SGK1: variants seen among roughly 807,000 people sequenced by gnomAD.
SGK1 encodes serum/glucocorticoid regulated kinase 1, also known as serine/threonine-protein kinase Sgk1.
In SGK1, 26 loss-of-function variants were observed where a neutral mutation model predicts 64.2. That is an observed-to-expected ratio of 0.40 (90% CI 0.30 to 0.56). The LOEUF is 0.56. Ranked by LOEUF, SGK1 falls within the 20% of genes least tolerant of loss-of-function variation. The pLI, the probability that SGK1 is intolerant of heterozygous loss-of-function variation, is 0.38. For missense variants in SGK1, 519 were observed against 645.6 expected, an observed-to-expected ratio of 0.80 and a Z score of 2.12; for synonymous variants, 265 against 239.7, an observed-to-expected ratio of 1.11 and a Z score of -0.98.
chr6:134,272,141 CT>C lies in SGK1; in HGVS notation c.70-9994del, dbSNP rs369377380. On this transcript the variant is annotated intron_variant, in intron 1 of 13. Transcript: ENST00000367858. ...ACAGGCATGAGCCACCGTGCCCAGC[CT>C]TTTTTTTTTTTTTCTTGAGACGGAC... is the stretch of plus-strand genomic sequence containing the variant. 7.8e-3 allele frequency among the ~76,000 whole-genome samples: 1,008 copies of C among 129,390 alleles called. 31 individuals are homozygous for C. Among genetic ancestry groups the C allele is most frequent in the African/African-American group, 0.023 (836 of 36,074 alleles). 84.9% of individuals were successfully genotyped at this position (129,390 alleles called of 152,430 possible).
At chr6:134,172,818 T>A in intron 8 of SGK1, 44 bp from the exon 9 acceptor site, 1 of 1,436,196 alleles carries the variant, frequency 7.0e-7, no homozygotes, top group Non-Finnish European at 9.8e-7. Context: ...CAAATGAATT[T>A]AATTAGTTTT....
At position 134,290,647 on chromosome 6, in the gene SGK1, C is replaced by G. The variant is rs539326047; in HGVS notation, c.69+26745G>C. 2.0e-5 allele frequency among the ~76,000 whole-genome samples: 3 copies of G among 152,286 alleles called. No individual in the cohort carries two copies. The East Asian group carries it at 5.8e-4, about 30-fold the overall frequency. On this transcript the variant is annotated intron_variant, in intron 1 of 13. Coordinates refer to ENST00000367858, the MANE Select transcript of SGK1 (RefSeq NM_001143676.3). ...AGGAAAATGGCAGGGCGCTGCAGCT[C>G]TGTTCAATACATGGAGCTTCTCATT...
At chr6:134,294,675 C>T (rs1777317973) in intron 1 of SGK1, among the ~76,000 whole-genome samples, 2 of 152,116 alleles carry the variant, frequency 1.3e-5, no homozygotes, top group African/African-American at 4.8e-5. Context: ...GCTGGGATTA[C>T]AGATGTGCAC....
rs761047169 is a variant in SGK1, at chr6:134,170,352, G to A, written c.1497C>T (p.Ser499=). The A allele has an allele frequency of 9.9e-6, 16 of 1,614,072 alleles. No homozygotes were observed. Among genetic ancestry groups the A allele is most frequent in the Middle Eastern group, 1.6e-4 (1 of 6,062 alleles). The change falls in exon 14 of 14, where the codon AGC becomes AGT. Residue 499 remains serine, a synonymous_variant. Coordinates refer to ENST00000367858, the MANE Select transcript of SGK1 (RefSeq NM_001143676.3). ...VPNSIGKSPD[S]VLVTASVKEA... ...CCTTGACGCTGGCTGTGACGAGGAC[G>A]CTGTCAGGGGACTTGCCAATGGAGT... is the stretch of plus-strand genomic sequence containing the variant.
chr6:134,175,946 C>T (rs1775222639), intron 3 of SGK1: 2 of 1,143,968 alleles, frequency 1.7e-6, no homozygotes, highest in Non-Finnish European at 2.1e-6. Flanking sequence ...GGGGAGGGGG[C>T]GGAAATAAAA....
At chr6:134,187,381 A>G (rs548788618) in intron 3 of SGK1, among the ~76,000 whole-genome samples, 7 of 152,272 alleles carry the variant, frequency 4.6e-5, no homozygotes, top group East Asian at 1.9e-4. Context: ...AATGTTTCCA[A>G]TGGGTCACTA....
At chr6:134,245,651 T>C (rs532568511) in intron 2 of SGK1, among the ~76,000 whole-genome samples, 2 of 152,194 alleles carry the variant, frequency 1.3e-5, no homozygotes, top group African/African-American at 4.8e-5. Context: ...CCCAGGATTT[T>C]GGGACCAGCC....
chr6:134,274,563 T>G (rs927318490), intron 1 of SGK1, among the ~76,000 whole-genome samples: 1 of 152,118 alleles, frequency 6.6e-6, no homozygotes, highest in African/African-American at 2.4e-5. Context: ...CTGAAGCTCT[T>G]TGAGTGTGGA....
At chr6:134,170,657 A>G in intron 13 of SGK1, 169 bp downstream of exon 13, 2 of 689,632 alleles carry the variant, frequency 2.9e-6, no homozygotes, top group South Asian at 4.0e-5. Flanking sequence ...TCTAAAAATT[A>G]TGGGAGCCTT....
At chr6:134,241,469 C>T (rs1776445556) in intron 2 of SGK1, among the ~76,000 whole-genome samples, 1 of 150,702 alleles carries the variant, frequency 6.6e-6, no homozygotes, top group African/African-American at 2.4e-5. Flanking sequence ...TGTGAACCAC[C>T]CTGCCCAGCC....
At chr6:134,284,745 A>G (rs1777155620) in intron 1 of SGK1, among the ~76,000 whole-genome samples, 1 of 152,004 alleles carries the variant, frequency 6.6e-6, no homozygotes, top group African/African-American at 2.4e-5. Context: ...TGGCCTCCCA[A>G]AGTTCTGAGA....
rs1276634102 is a variant in SGK1 at position 134,299,693 on chromosome 6, G to T, written c.69+17699C>A. ...GCTTAGTAAACCACTTAAAAAAAAA[G>T]ATTTCCAATGTGGAAATACTCAATG... On this transcript the variant is annotated intron_variant, in intron 1 of 13. Transcript: ENST00000367858. Among the ~76,000 whole-genome samples, 6 of 151,862 alleles carry T rather than the reference G, an allele frequency of 4.0e-5. No individual in the cohort carries two copies. In the East Asian group the frequency reaches 7.7e-4, roughly 20 times the overall value.
In SGK1 at chr6:134,317,922, C is replaced by T. The variant is rs1777712492; in HGVS notation, c.-462G>A. On this transcript the variant is annotated 5_prime_UTR_variant, in exon 1 of 14. Transcript: ENST00000367858. ...GAGTTGTTTTTGATTGTGCAAGTTC[C>T]AGTGGGAGCTGTAGTTAAGCAGCTG... 1 of 157,782 alleles carries T rather than the reference C, an allele frequency of 6.3e-6. No individual in the cohort carries two copies. The highest frequency in any genetic ancestry group is 1.9e-4 in the South Asian group (1 of 5,212). The allele number at this position is 157,782 out of a possible 1,614,324, so 9.8% of individuals were successfully genotyped here.
chr6:134,298,045 C>A, intron 1 of SGK1: 1 of 1,045,294 alleles, frequency 9.6e-7, no homozygotes. Context: ...CATACAGCTG[C>A]CTCAGGAAGT....
chr6:134,189,543 T>C (rs1422767449), intron 3 of SGK1, among the ~76,000 whole-genome samples: 5 of 152,220 alleles, frequency 3.3e-5, no homozygotes, highest in African/African-American at 1.2e-4. Context: ...TACTCTCTAC[T>C]TATTTAGAGC....
At chr6:134,232,469 A>AAGAAAG (rs1776303139) in intron 2 of SGK1, among the ~76,000 whole-genome samples, 1 of 47,344 alleles carries the variant, frequency 2.1e-5, no homozygotes, top group East Asian at 6.9e-4. Flanking sequence ...GAAAGAAAGA[A>AAGAAAG]AGAAAGAAAG....
chr6:134,312,134 C>G (rs1777617811), intron 1 of SGK1, among the ~76,000 whole-genome samples: 1 of 152,196 alleles, frequency 6.6e-6, no homozygotes, highest in South Asian at 2.1e-4. Context: ...TGAATTCTGG[C>G]TATACCTCTT....
intron 1 of SGK1, among the ~76,000 whole-genome samples, chr6:134,263,101 T>G (rs541301749): frequency 6.6e-6 from 1 of 152,302 alleles, no homozygotes; most frequent in Non-Finnish European, 1.5e-5. Context: ...TATTTTACTT[T>G]GACCCTTATT....
chr6:134,287,502 T>C (rs772492442), intron 1 of SGK1, among the ~76,000 whole-genome samples: 1 of 150,660 alleles, frequency 6.6e-6, no homozygotes, highest in African/African-American at 2.4e-5. Flanking sequence ...AAGGAATGAG[T>C]ATTGGGCCTA....
Sources: gnomAD v4.1 joint callset for allele counts (sites outside exome capture counted in the v4.1 genomes callset) on GRCh38, gnomAD v4.1.1 for gene constraint, MANE v1.5 for transcripts, NCBI Gene and HGNC (gene_info 2026-07-23, HGNC 2026-07-21) for gene names.